SATB2: variants seen among roughly 807,000 people sequenced by gnomAD.
The protein encoded by SATB2 is DNA-binding protein SATB2.
Under a neutral mutation model 73.4 loss-of-function variants are expected in SATB2, and 1 was observed. The ratio of observed to expected loss-of-function variants is 0.01; its 90% CI spans 0.00 to 0.06. The LOEUF is 0.06. SATB2 is among the 10% of genes least tolerant of loss of function. The probability of loss-of-function intolerance (pLI) is 1.00; values close to 1 mark genes in which losing one functional copy is unlikely to be tolerated. For synonymous variants in SATB2, 397 were observed against 367.0 expected (o/e 1.08, Z -0.93); for missense variants, 459 against 945.8 (o/e 0.49, Z 6.75).
chr2:199,456,975 T>TGGG (rs71397724), intron 1 of SATB2, among the ~76,000 whole-genome samples: 1,697 of 123,784 alleles, frequency 0.014, 36 homozygotes, highest in African/African-American at 0.051. Context: ...ATTGGGGGGG[T>TGGG]GGGGGGGGGC....
At chr2:199,449,804 C>T (rs1692071732) in intron 2 of SATB2, among the ~76,000 whole-genome samples, 1 of 152,096 alleles carries the variant, frequency 6.6e-6, no homozygotes, top group African/African-American at 2.4e-5. Flanking sequence ...CACAGCTCTC[C>T]TTACTGGCAC....
At position 199,463,943 on chromosome 2, in the gene SATB2, T is replaced by A. The variant is rs1692537384; in HGVS notation, c.-141+893A>T. Among the ~76,000 whole-genome samples, 1 of 152,052 alleles carries A rather than the reference T, an allele frequency of 6.6e-6. No individual in the cohort carries two copies. The highest frequency in any genetic ancestry group is 1.5e-5 in the Non-Finnish European group (1 of 68,006). On this transcript the variant is annotated intron_variant, in intron 1 of 11. Coordinates refer to the SATB2 transcript ENST00000260926. The surrounding 1 kb of genome is among the most constrained non-coding windows in gnomAD (Gnocchi z 6.4). ...AAACCGCAGTTGCCTCCCGAACGCT[T>A]TGAGGCTATGGGCCCACGCCGGTCT...
At chr2:199,428,497 C>T (rs1364337676) in intron 3 of SATB2, among the ~76,000 whole-genome samples, 4 of 152,140 alleles carry the variant, frequency 2.6e-5, no homozygotes, top group Non-Finnish European at 4.4e-5. Flanking sequence ...GGTTAAGGAC[C>T]TTGACTCTAG....
chr2:199,469,003 G>C (rs1055801527), upstream of SATB2: 2 of 152,266 alleles, frequency 1.3e-5, no homozygotes, highest in African/African-American at 4.8e-5. Flanking sequence ...TCCGCGAGGC[G>C]GGCGTCTCGA....
chr2:199,340,197 A>C (rs764040945), intron 7 of SATB2, among the ~76,000 whole-genome samples: 1 of 152,160 alleles, frequency 6.6e-6, no homozygotes, highest in Non-Finnish European at 1.5e-5. Context: ...CCTTGTCTTA[A>C]GTTTCTTCAA....
intron 6 of SATB2, among the ~76,000 whole-genome samples, chr2:199,355,671 G>A (rs1542182): frequency 0.78 from 117,776 of 151,778 alleles, 47,246 homozygotes; most frequent in South Asian, 0.91. Context: ...AGAATTACCT[G>A]TAAAGTGGTC....
intron 2 of SATB2, among the ~76,000 whole-genome samples, chr2:199,453,213 T>C (rs1255258357): frequency 2.0e-5 from 3 of 152,158 alleles, no homozygotes; most frequent in Non-Finnish European, 4.4e-5. Flanking sequence ...GTAAGATAAA[T>C]TGCTATTTGA....
chr2:199,361,151 G>T (rs1412447945), intron 6 of SATB2, among the ~76,000 whole-genome samples: 1 of 152,108 alleles, frequency 6.6e-6, no homozygotes, highest in Non-Finnish European at 1.5e-5. Context: ...TTAGTCGGCT[G>T]GTTTCACATG....
Position 199,433,438 on chromosome 2 carries a change from G to C in SATB2, c.246C>G (p.Ala82=), listed in dbSNP as rs146889022. 2.5e-6 allele frequency: 4 copies of C among 1,613,974 alleles called. No homozygotes were observed. The highest frequency in any genetic ancestry group is 2.5e-6 in the Non-Finnish European group (3 of 1,180,018). The change falls in exon 3 of 11, where the codon GCC becomes GCG. Residue 82 remains alanine (A), a synonymous_variant. Coordinates refer to ENST00000417098, the MANE Select transcript of SATB2 (RefSeq NM_001172509.2). ...CATCTTTCCGCACCAGGACAAACTC[G>C]GCGTGTTCTTCTCTGTTGTCATATT... ...SLEYDNREEH[A]EFVLVRKDVL...
intron 5 of SATB2, among the ~76,000 whole-genome samples, chr2:199,375,662 G>A (rs1426796560): frequency 6.6e-6 from 1 of 152,142 alleles, no homozygotes; most frequent in South Asian, 2.1e-4. Context: ...GTTTGGCTTA[G>A]GGGTAATAAG....
At chr2:199,449,610 T>G (rs1692067033) in intron 2 of SATB2, among the ~76,000 whole-genome samples, 1 of 152,208 alleles carries the variant, frequency 6.6e-6, no homozygotes, top group African/African-American at 2.4e-5. Context: ...TTTCAAACTC[T>G]GTAAGTCCTC....
At chr2:199,441,663 C>G (rs959533003) in intron 2 of SATB2, among the ~76,000 whole-genome samples, 4 of 152,090 alleles carry the variant, frequency 2.6e-5, no homozygotes, top group Non-Finnish European at 5.9e-5. Context: ...CTGACCACCC[C>G]GAAGGATCAA....
intron 10 of SATB2, among the ~76,000 whole-genome samples, chr2:199,291,468 T>G (rs1403293190): frequency 6.6e-6 from 1 of 152,198 alleles, no homozygotes; most frequent in Non-Finnish European, 1.5e-5. Flanking sequence ...CATTTTGGCA[T>G]TAAACAACAT....
intron 3 of SATB2, among the ~76,000 whole-genome samples, 160 bp from the exon 4 acceptor site, chr2:199,381,980 T>C (rs56337401): frequency 3.4e-4 from 52 of 152,334 alleles, no homozygotes; most frequent in Non-Finnish European, 5.9e-4. Context: ...TGGCCGACAA[T>C]TGAGTTAGTT....
chr2:199,296,900 G>A lies in SATB2; in HGVS notation c.1740+11860C>T, dbSNP rs535591901. Among the ~76,000 whole-genome samples the A allele has an allele frequency of 9.9e-5, 15 of 152,222 alleles. No individual in the cohort carries two copies. The South Asian group carries it at 3.1e-3, about 32-fold the overall frequency. On this transcript the variant is annotated intron_variant, in intron 10 of 10. Transcript: ENST00000417098. Reference sequence around the variant, plus strand: ...AGAGAGTAATATTTATTCTTTATAAGATGCTCTGGCCTCTGAAACAACACC... The same window carrying A: ...AGAGAGTAATATTTATTCTTTATAAAATGCTCTGGCCTCTGAAACAACACC...
chr2:199,321,686 T>G (rs1008224603), intron 9 of SATB2, among the ~76,000 whole-genome samples: 3 of 152,076 alleles, frequency 2.0e-5, no homozygotes, highest in African/African-American at 7.2e-5. Context: ...AAATGAATAC[T>G]GATACTTATA....
intron 3 of SATB2, among the ~76,000 whole-genome samples, chr2:199,427,477 CT>C (rs1488966815): frequency 6.6e-6 from 1 of 151,752 alleles, no homozygotes. Flanking sequence ...AAAGAATTAT[CT>C]TTTTTTAGGA....
intron 10 of SATB2, among the ~76,000 whole-genome samples, chr2:199,287,372 T>C (rs1692720691): frequency 1.3e-5 from 2 of 152,152 alleles, no homozygotes; most frequent in Admixed American, 6.5e-5. Context: ...AAAGAATAGA[T>C]ACATTTAATA....
chr2:199,361,237 T>C (rs1196815299), intron 6 of SATB2, among the ~76,000 whole-genome samples: 1 of 152,128 alleles, frequency 6.6e-6, no homozygotes. Context: ...TCTCCATTGG[T>C]ATTGTCTTAT....
Sources: gnomAD v4.1 joint callset for allele counts (sites outside exome capture counted in the v4.1 genomes callset) on GRCh38, gnomAD v4.1.1 for gene constraint, Gnocchi (gnomAD v3.1) non-coding constraint, MANE v1.5 for transcripts, NCBI Gene and HGNC (gene_info 2026-07-23, HGNC 2026-07-21) for gene names.